The following RBPJ variants were observed in gnomAD, a reference collection of about 807,000 sequenced individuals.
The protein encoded by RBPJ is recombining binding protein suppressor of hairless.
A neutral mutation model predicts 67.8 loss-of-function variants in RBPJ; 9 were observed. The observed-to-expected ratio is 0.13, with a 90% CI of 0.08 to 0.23. The LOEUF (loss-of-function observed/expected upper bound fraction) is 0.23. Ranked by LOEUF, RBPJ falls within the 10% of genes least tolerant of loss-of-function variation. The probability of loss-of-function intolerance (pLI) is 1.00; values close to 1 mark genes in which losing one functional copy is unlikely to be tolerated. For missense variants in RBPJ, 305 were observed against 595.6 expected (o/e 0.51, Z 5.08); for synonymous variants, 198 against 203.3 (o/e 0.97, Z 0.22).
intron 1 of RBPJ, among the ~76,000 whole-genome samples, chr4:26,201,806 C>T (rs1282921425): frequency 6.6e-6 from 1 of 152,204 alleles, no homozygotes; most frequent in Non-Finnish European, 1.5e-5. Context: ...AGAAGTTTCT[C>T]TTGGTTTATT....
chr4:26,171,798 C>T (rs1380468746), intron 1 of RBPJ, among the ~76,000 whole-genome samples: 1 of 152,078 alleles, frequency 6.6e-6, no homozygotes, highest in East Asian at 1.9e-4. Flanking sequence ...AAACTGAGGC[C>T]CACAGAAGTG....
At chr4:26,251,835 G>A (rs1307208608) in intron 1 of RBPJ, among the ~76,000 whole-genome samples, 6 of 119,670 alleles carry the variant, frequency 5.0e-5, no homozygotes, top group African/African-American at 1.6e-4. Flanking sequence ...GTGACAGAGC[G>A]AGACTCCGTC....
intron 1 of RBPJ, among the ~76,000 whole-genome samples, chr4:26,375,337 G>A (rs1243699321): frequency 6.7e-6 from 1 of 150,176 alleles, no homozygotes; most frequent in Non-Finnish European, 1.5e-5. Flanking sequence ...TGTGAGATAC[G>A]CATGCAAAGT....
At chr4:26,153,281 G>A in the RBPJ span, among the ~76,000 whole-genome samples, 1 of 152,184 alleles carries the variant, frequency 6.6e-6, no homozygotes, top group African/African-American at 2.4e-5. Flanking sequence ...ACACATAAGT[G>A]TGAATTTTAA....
intron 1 of RBPJ, among the ~76,000 whole-genome samples, chr4:26,186,192 TAAA>T (rs528707678): frequency 0.13 from 14,874 of 116,866 alleles, 889 homozygotes; most frequent in South Asian, 0.22. Flanking sequence ...CCCTTTTTTT[TAAA>T]AAAAAAAAAA....
intron 1 of RBPJ, among the ~76,000 whole-genome samples, chr4:26,301,474 T>C (rs1043766156): frequency 4.0e-5 from 6 of 151,410 alleles, no homozygotes; most frequent in East Asian, 3.9e-4. Context: ...CGCCTGTAGT[T>C]CCAGCTACTC....
chr4:26,257,747 G>A (rs10028140), intron 1 of RBPJ, among the ~76,000 whole-genome samples: 127,142 of 152,212 alleles, frequency 0.84, 54,864 homozygotes, highest in East Asian at 0.99. Flanking sequence ...GAAATAAGCA[G>A]CTAACTTAGT....
intron 2 of RBPJ, among the ~76,000 whole-genome samples, chr4:26,405,233 GCTGTAAAC>G (rs1305514349): frequency 6.6e-6 from 1 of 152,136 alleles, no homozygotes; most frequent in African/African-American, 2.4e-5. Context: ...GTGTGTAAGT[GCTGTAAAC>G]CTAGAAGTCC....
rs534680364 is a variant in RBPJ at position 26,395,340 on chromosome 4, C to T, written c.59+8949C>T. ...TATTGCCCGCCTGTGGTCCTAGCTACATGGAAGGCTAAGGTGGGGTGATCC... is the reference window on the plus strand; with the variant it reads ...TATTGCCCGCCTGTGGTCCTAGCTATATGGAAGGCTAAGGTGGGGTGATCC... On this transcript the variant is annotated intron_variant, in intron 2 of 10. Coordinates refer to ENST00000355476, the MANE Select transcript of RBPJ (RefSeq NM_015874.6). Among the ~76,000 whole-genome samples the T allele has an allele frequency of 1.5e-3, 228 of 152,222 alleles. 2 individuals carry two copies. The highest frequency in any genetic ancestry group is 2.8e-3 in the Non-Finnish European group (189 of 68,022).
At chr4:26,426,359 A>G (rs1282791963) in intron 7 of RBPJ, among the ~76,000 whole-genome samples, 1 of 152,226 alleles carries the variant, frequency 6.6e-6, no homozygotes, top group Admixed American at 6.5e-5. Context: ...TTGTTTGTAA[A>G]GTACCAGTAG....
chr4:26,379,156 C>A (rs1577563969), intron 1 of RBPJ, among the ~76,000 whole-genome samples: 1 of 152,116 alleles, frequency 6.6e-6, no homozygotes, highest in Admixed American at 6.5e-5. Context: ...TCTTTGAAAT[C>A]TACCCCATAG....
chr4:26,237,481 A>G (rs532215235), intron 1 of RBPJ, among the ~76,000 whole-genome samples: 1 of 152,330 alleles, frequency 6.6e-6, no homozygotes, highest in East Asian at 1.9e-4. Flanking sequence ...AATAAGAAAA[A>G]TTAGAAGGAA....
chr4:26,132,880 G>T, the RBPJ span, among the ~76,000 whole-genome samples: 1 of 152,172 alleles, frequency 6.6e-6, no homozygotes, highest in Non-Finnish European at 1.5e-5. Context: ...GAAAGCCCGT[G>T]TCTGTGCTTC....
At chr4:26,370,997 G>A (rs1423204386) in intron 1 of RBPJ, among the ~76,000 whole-genome samples, 1 of 151,752 alleles carries the variant, frequency 6.6e-6, no homozygotes, top group East Asian at 1.9e-4. Context: ...GGAGAATGGT[G>A]TGAACCTGGG....
chr4:26,397,920 A>G (rs1039117514), intron 2 of RBPJ, among the ~76,000 whole-genome samples: 2 of 152,216 alleles, frequency 1.3e-5, no homozygotes, highest in African/African-American at 4.8e-5. Context: ...GGCGTGAGCC[A>G]CCTTGCCCGG....
intron 2 of RBPJ, among the ~76,000 whole-genome samples, chr4:26,401,308 G>A (rs184306734): frequency 6.6e-6 from 1 of 152,202 alleles, no homozygotes; most frequent in Admixed American, 6.5e-5. Flanking sequence ...AATCACTAAC[G>A]GTATGATTTT....
intron 1 of RBPJ, among the ~76,000 whole-genome samples, chr4:26,324,047 C>T (rs1304762314): frequency 6.6e-6 from 1 of 152,176 alleles, no homozygotes; most frequent in Admixed American, 6.5e-5. Context: ...ACTCTACTTC[C>T]CCTGGGCCAG....
chr4:26,273,758 T>C (rs1720988112), intron 1 of RBPJ, among the ~76,000 whole-genome samples: 1 of 152,214 alleles, frequency 6.6e-6, no homozygotes, highest in Admixed American at 6.5e-5. Context: ...TTTGCATCAC[T>C]GGTAACCACA....
At chr4:26,348,157 C>T (rs540105342) in intron 1 of RBPJ, among the ~76,000 whole-genome samples, 4 of 152,074 alleles carry the variant, frequency 2.6e-5, no homozygotes, top group Non-Finnish European at 5.9e-5. Flanking sequence ...GATGGGGTTT[C>T]ACCACGGTGG....
Sources: gnomAD v4.1 joint callset for allele counts (sites outside exome capture counted in the v4.1 genomes callset) on GRCh38, gnomAD v4.1.1 for gene constraint, MANE v1.5 for transcripts, NCBI Gene and HGNC (gene_info 2026-07-23, HGNC 2026-07-21) for gene names.